Variants in R3HDM1 observed in about 807,000 individuals in gnomAD.
The protein encoded by R3HDM1 is R3H domain containing 1, also known as R3H domain-containing protein 1.
Under a neutral mutation model 141.1 loss-of-function variants are expected in R3HDM1, and 46 were observed. The observed-to-expected ratio is 0.33, with a 90% confidence interval of 0.26 to 0.42. The LOEUF (loss-of-function observed/expected upper bound fraction) is 0.42. Among genes scored for constraint, R3HDM1 ranks in the 10% least tolerant of loss-of-function variants. The pLI is 1.00. For missense variants in R3HDM1, 1,184 were observed against 1,368.3 expected (o/e 0.87, Z 2.12); for synonymous variants, 435 against 472.9 (o/e 0.92, Z 1.04).
At chr2:135,662,754 A>G (rs1262123102) in intron 19 of R3HDM1, among the ~76,000 whole-genome samples, 1 of 152,204 alleles carries the variant, frequency 6.6e-6, no homozygotes, top group Non-Finnish European at 1.5e-5. Flanking sequence ...GGTACTGCTC[A>G]TTAGCTTTAT....
Position 135,698,968 on chromosome 2 carries a change from CA to C in R3HDM1, c.2460-10463del, listed in dbSNP as rs374796633. 1.3e-3 allele frequency among the ~76,000 whole-genome samples: 196 copies of C among 149,298 alleles called. 2 individuals carry two copies. The highest frequency in any genetic ancestry group is 4.3e-3 in the African/African-American group (174 of 40,382). ...ATTTAGGTGGAGACACACATCCAAA[CA>C]ATATTACACTCAGATAGATAGATAG... is the stretch of plus-strand genomic sequence containing the variant. On this transcript the variant is annotated intron_variant, in intron 21 of 26. Transcript: ENST00000683871.
intron 19 of R3HDM1, among the ~76,000 whole-genome samples, chr2:135,663,883 A>C (rs1574839517): frequency 6.6e-6 from 1 of 152,068 alleles, no homozygotes; most frequent in African/African-American, 2.4e-5. Context: ...ACACAAAAAA[A>C]ATTAGCCGGG....
intron 1 of R3HDM1, among the ~76,000 whole-genome samples, chr2:135,557,601 T>TA (rs1701029297): frequency 6.6e-6 from 1 of 152,324 alleles, no homozygotes; most frequent in East Asian, 1.9e-4. Flanking sequence ...AATCCTGACT[T>TA]ACTTGGTCCT....
At chr2:135,553,681 G>GTTTT (rs904065342) in intron 1 of R3HDM1, among the ~76,000 whole-genome samples, 2 of 152,040 alleles carry the variant, frequency 1.3e-5, no homozygotes, top group African/African-American at 4.8e-5. Context: ...TTTTGTATGT[G>GTTTT]TTTTTTGTTT....
rs1429181210 is a variant in R3HDM1 at position 135,604,816 on chromosome 2, C to A, written c.-30C>A. ...TTTTTTTTTCTTAAGGCTTCAAGCT[C>A]CCTGTAGAATTCGAAAATAACCTTT... On this transcript the variant is annotated 5_prime_UTR_variant, in exon 3 of 27. Coordinates refer to ENST00000683871, the MANE Select transcript of R3HDM1 (RefSeq NM_001378107.1). 1 of 1,605,998 alleles carries A rather than the reference C, an allele frequency of 6.2e-7. No individual in the cohort carries two copies. The highest frequency in any genetic ancestry group is 8.5e-7 in the Non-Finnish European group (1 of 1,175,078).
At chr2:135,561,115 TAGATCACAGGTG>T (rs1701719780) in intron 1 of R3HDM1, among the ~76,000 whole-genome samples, 1 of 152,204 alleles carries the variant, frequency 6.6e-6, no homozygotes, top group Non-Finnish European at 1.5e-5. Context: ...CTTGACTTAC[TAGATCACAGGTG>T]ATCTCATCTA....
At chr2:135,559,649 C>T (rs1701433186) in intron 1 of R3HDM1, among the ~76,000 whole-genome samples, 1 of 152,212 alleles carries the variant, frequency 6.6e-6, no homozygotes, top group Admixed American at 6.5e-5. Context: ...CATTTCCCTC[C>T]TTCCTGCAGT....
intron 1 of R3HDM1, among the ~76,000 whole-genome samples, chr2:135,569,405 C>T (rs1481254974): frequency 1.3e-5 from 2 of 151,854 alleles, no homozygotes; most frequent in Non-Finnish European, 1.5e-5. Context: ...ATTGCTTGAA[C>T]CCGGGAGGCA....
chr2:135,631,652 C>T, intron 7 of R3HDM1, 66 bp from the exon 8 acceptor site: 2 of 1,318,748 alleles, frequency 1.5e-6, no homozygotes, highest in Non-Finnish European at 2.1e-6. Context: ...AAATCATAGG[C>T]TGTTGACATT....
At chr2:135,668,952 T>C (rs2067922064) in intron 19 of R3HDM1, 2 of 215,238 alleles carry the variant, frequency 9.3e-6, no homozygotes, top group Admixed American at 1.3e-4. Flanking sequence ...CACTTGGAAA[T>C]ACTCAGGCTG....
chr2:135,618,948 A>T (rs1204455273), intron 5 of R3HDM1, among the ~76,000 whole-genome samples: 1 of 150,278 alleles, frequency 6.7e-6, no homozygotes, highest in Admixed American at 6.7e-5. Flanking sequence ...TGAACCCAGG[A>T]GGCAGAGGTT....
intron 18 of R3HDM1, 93 bp from the exon 19 acceptor site, chr2:135,661,177 G>T: frequency 6.8e-7 from 1 of 1,461,580 alleles, no homozygotes; most frequent in South Asian, 1.3e-5. Flanking sequence ...GTGCTAAAAA[G>T]AATTATTACT....
chr2:135,552,245 G>T (rs149557194), intron 1 of R3HDM1, among the ~76,000 whole-genome samples: 1 of 151,918 alleles, frequency 6.6e-6, no homozygotes, highest in Non-Finnish European at 1.5e-5. Flanking sequence ...ACCCAGGCTG[G>T]AGTGCAATGG....
chr2:135,577,363 G>T (rs1365752339), intron 1 of R3HDM1: 1 of 178,376 alleles, frequency 5.6e-6, no homozygotes, highest in Non-Finnish European at 8.8e-6. Flanking sequence ...TAGCCAAAAG[G>T]CTAAGAAGCC....
intron 20 of R3HDM1, among the ~76,000 whole-genome samples, chr2:135,677,626 A>C (rs2069426798): frequency 6.6e-6 from 1 of 152,144 alleles, no homozygotes; most frequent in African/African-American, 2.4e-5. Flanking sequence ...CATAATTTTT[A>C]CACCATACAT....
At chr2:135,543,690 C>G (rs1652013171) in intron 1 of R3HDM1, among the ~76,000 whole-genome samples, 1 of 151,794 alleles carries the variant, frequency 6.6e-6, no homozygotes, top group Non-Finnish European at 1.5e-5. Flanking sequence ...AAGAAGAATC[C>G]CATTGTTTTA....
intron 1 of R3HDM1, among the ~76,000 whole-genome samples, chr2:135,561,589 G>T (rs1443271234): frequency 6.6e-6 from 1 of 151,948 alleles, no homozygotes. Flanking sequence ...GTGGTTGCAT[G>T]TGCCTGTGGT....
intron 18 of R3HDM1, among the ~76,000 whole-genome samples, chr2:135,659,154 A>G (rs1162025824): frequency 1.3e-5 from 2 of 150,954 alleles, no homozygotes; most frequent in Non-Finnish European, 2.9e-5. Context: ...CTGGAATGCA[A>G]TGGCACGATC....
At chr2:135,631,644 A>C in intron 7 of R3HDM1, 74 bp from the exon 8 acceptor site, 1 of 1,287,470 alleles carries the variant, frequency 7.8e-7, no homozygotes, top group Non-Finnish European at 1.1e-6. Flanking sequence ...AGCTGTATAA[A>C]TCATAGGCTG....
Sources: gnomAD v4.1 joint callset for allele counts (sites outside exome capture counted in the v4.1 genomes callset) on GRCh38, gnomAD v4.1.1 for gene constraint, MANE v1.5 for transcripts, NCBI Gene and HGNC (gene_info 2026-07-23, HGNC 2026-07-21) for gene names.